The following THOC1 variants were observed in gnomAD, a reference collection of about 807,000 sequenced individuals.
THOC1 encodes the protein THO complex 1.
A neutral mutation model predicts 97.3 loss-of-function variants in THOC1; 29 were observed. The ratio of observed to expected loss-of-function variants is 0.30; its 90% confidence interval spans 0.22 to 0.41. The LOEUF (loss-of-function observed/expected upper bound fraction) is 0.41. Ranked by LOEUF, THOC1 falls within the 10% of genes least tolerant of loss-of-function variation. The probability of loss-of-function intolerance (pLI) is 1.00; values close to 1 mark genes in which losing one functional copy is unlikely to be tolerated. For missense variants in THOC1, 529 were observed against 761.9 expected, an observed-to-expected ratio of 0.69 and a Z score of 3.60; for synonymous variants, 255 against 257.0, an observed-to-expected ratio of 0.99 and a Z score of 0.07.
At chr18:265,929 C>T (rs1173394357) in intron 1 of THOC1, among the ~76,000 whole-genome samples, 1 of 152,164 alleles carries the variant, frequency 6.6e-6, no homozygotes, top group East Asian at 1.9e-4. Context: ...CCAATACTCC[C>T]TAACACATAC....
chr18:265,238 A>G (rs1435773848), intron 3 of THOC1, 65 bp downstream of exon 3: 2 of 1,363,974 alleles, frequency 1.5e-6, no homozygotes, highest in East Asian at 2.5e-5. Context: ...GAAAAAAAGC[A>G]ATTTTTAAAT....
intron 17 of THOC1, among the ~76,000 whole-genome samples, chr18:222,604 G>C (rs1911130563): frequency 6.6e-6 from 1 of 152,124 alleles, no homozygotes. Flanking sequence ...AATACAGAAG[G>C]AGCAAGAGTT....
rs1912570131 is a variant in THOC1, at chr18:260,470, T to TAAA, written c.257-167_257-166insTTT. The stretch of plus-strand genomic sequence containing the variant: ...AACCTAAAAGTCCCCAAATAGGACA[T>TAAA]ACTTAAGTAATTTTTGATATGTGCA... On this transcript the variant is annotated intron_variant, in intron 4 of 20. Transcript: ENST00000261600. The TAAA allele has an allele frequency of 5.4e-5, 25 of 464,818 alleles. 1 individual carries two copies. In the East Asian group the frequency reaches 9.0e-4, roughly 17 times the overall value. 28.8% of individuals were successfully genotyped at this position (464,818 alleles called of 1,614,324 possible).
chr18:235,776 A>G (rs2143209483), intron 11 of THOC1, among the ~76,000 whole-genome samples: 1 of 152,286 alleles, frequency 6.6e-6, no homozygotes, highest in Admixed American at 6.5e-5. Context: ...TACATGGTCA[A>G]ATTTTGTGAA....
intron 11 of THOC1, among the ~76,000 whole-genome samples, chr18:230,654 CATA>C (rs1372847599): frequency 2.0e-5 from 3 of 152,184 alleles, no homozygotes; most frequent in Non-Finnish European, 2.9e-5. Flanking sequence ...CCCTTTCTTT[CATA>C]ATATCTACTA....
At chr18:255,722 G>A (rs1912416348) in intron 7 of THOC1, among the ~76,000 whole-genome samples, 1 of 152,220 alleles carries the variant, frequency 6.6e-6, no homozygotes, top group Admixed American at 6.5e-5. Context: ...TTCTGATATT[G>A]GAAGATGCTG....
chr18:265,492 C>T lies in THOC1; in HGVS notation c.93G>A (p.Lys31=). 1 of 1,596,316 alleles carries T rather than the reference C, an allele frequency of 6.3e-7. No individual in the cohort carries two copies. The highest frequency in any genetic ancestry group is 8.5e-7 in the Non-Finnish European group (1 of 1,171,294). ...CCTGGCTGAAGGTACTTAACAATGGCTTGATGTTTTTGTTGTTCAAGGCCT... is the reference window on the plus strand; with the variant it reads ...CCTGGCTGAAGGTACTTAACAATGGTTTGATGTTTTTGTTGTTCAAGGCCT... ...TREALNNKNI[K]PLLSTFSQVP... Residue 31 remains lysine, a synonymous_variant, in exon 2 of 21, where the codon AAG becomes AAA. Transcript: ENST00000261600.
chr18:215,400 TTAAA>T lies in THOC1; in HGVS notation c.1678+25_1678+28del, dbSNP rs1208339634. 1.9e-6 allele frequency: 3 copies of T among 1,584,242 alleles called. No homozygotes were observed. The African/African-American group carries it at 4.0e-5, about 21-fold the overall frequency. On this transcript the variant is annotated intron_variant, in intron 20 of 20. Coordinates refer to ENST00000261600, the MANE Select transcript of THOC1 (RefSeq NM_005131.3). ...AGAACCCCAATCGTCTTCAATTTTG[TTAAA>T]TAACCAAGAAAATTCAGTTCTTACT...
intron 10 of THOC1, among the ~76,000 whole-genome samples, chr18:246,916 C>CAAAA (rs36101469): frequency 3.1e-5 from 3 of 98,222 alleles, no homozygotes; most frequent in Non-Finnish European, 4.1e-5. Context: ...GGCTCCGTCT[C>CAAAA]AAAAAAAAAA....
intron 17 of THOC1, among the ~76,000 whole-genome samples, chr18:223,107 A>G (rs1406292620): frequency 7.2e-5 from 11 of 152,140 alleles, no homozygotes; most frequent in South Asian, 2.1e-4. Context: ...TGCAAGTTCA[A>G]CGAACTTTTG....
chr18:229,314 T>G (rs758985301), intron 11 of THOC1, among the ~76,000 whole-genome samples: 13 of 152,276 alleles, frequency 8.5e-5, no homozygotes, highest in Admixed American at 2.6e-4. Flanking sequence ...TTAAAATAAT[T>G]GACTATAGGC....
rs772149060 is a variant in THOC1 at position 268,041 on chromosome 18, C to T, written c.-22G>A. On this transcript the variant is annotated 5_prime_UTR_variant, in exon 1 of 21. Transcript: ENST00000261600. ...ACATCTTCTCGGCTGCGCGTGCCCG[C>T]CACTGCGCTGCGGCGCCTGCCGATG... 1.4e-5 allele frequency: 22 copies of T among 1,582,706 alleles called. No individual in the cohort carries two copies. The highest frequency in any genetic ancestry group is 1.9e-5 in the Non-Finnish European group (22 of 1,165,714).
At chr18:243,401 C>G (rs1315853421) in intron 11 of THOC1, among the ~76,000 whole-genome samples, 1 of 152,066 alleles carries the variant, frequency 6.6e-6, no homozygotes, top group Non-Finnish European at 1.5e-5. Context: ...TTTTTCATTA[C>G]TAAAATGTCT....
At chr18:216,229 G>C in intron 19 of THOC1, 1 of 352,754 alleles carries the variant, frequency 2.8e-6, no homozygotes, top group Non-Finnish European at 5.2e-6. Context: ...TGGGATTACA[G>C]TCGTGAGCCA....
chr18:253,848 A>G (rs1912354317), intron 8 of THOC1, among the ~76,000 whole-genome samples: 1 of 152,108 alleles, frequency 6.6e-6, no homozygotes, highest in Admixed American at 6.5e-5. Context: ...GTAAGTTGGA[A>G]ATAAAGTTAA....
chr18:248,716 ATG>A (rs1233385059), intron 9 of THOC1, among the ~76,000 whole-genome samples: 1 of 152,126 alleles, frequency 6.6e-6, no homozygotes, highest in African/African-American at 2.4e-5. Flanking sequence ...TAATCTTGAT[ATG>A]TCACAAATCT....
intron 9 of THOC1, 119 bp downstream of exon 9, chr18:252,420 A>C: frequency 1.3e-6 from 1 of 771,266 alleles, no homozygotes; most frequent in Non-Finnish European, 2.1e-6. Flanking sequence ...AAAATTACAA[A>C]TGAAAGAAAT....
chr18:216,303 TTATCAACTCATGTATTTCC>T, intron 19 of THOC1, 164 bp downstream of exon 19: 1 of 683,974 alleles, frequency 1.5e-6, no homozygotes, highest in Non-Finnish European at 2.5e-6. Flanking sequence ...AGTTACTTCT[TTATCAACTCATGTATTTCC>T]TGTAAATGTA....
At chr18:252,844 G>C (rs1479971447) in intron 8 of THOC1, among the ~76,000 whole-genome samples, 1 of 152,174 alleles carries the variant, frequency 6.6e-6, no homozygotes, top group Non-Finnish European at 1.5e-5. Flanking sequence ...GAAGACAGTA[G>C]AAAGTTTCAA....
Sources: gnomAD v4.1 joint callset for allele counts (sites outside exome capture counted in the v4.1 genomes callset) on GRCh38, gnomAD v4.1.1 for gene constraint, MANE v1.5 for transcripts, NCBI Gene and HGNC (gene_info 2026-07-23, HGNC 2026-07-21) for gene names.